DGKB: variants seen among roughly 807,000 people sequenced by gnomAD.
DGKB encodes diacylglycerol kinase beta, also known as 90 kDa diacylglycerol kinase.
In DGKB, 67 loss-of-function variants were observed where a neutral mutation model predicts 114.3. The ratio of observed to expected loss-of-function variants is 0.59; its 90% CI spans 0.48 to 0.72. DGKB has a LOEUF of 0.72. Ranked by LOEUF, DGKB falls within the 30% of genes least tolerant of loss-of-function variation. The pLI, the probability that DGKB is intolerant of heterozygous loss-of-function variation, is 0.00. For missense variants in DGKB, 907 were observed against 975.2 expected, an observed-to-expected ratio of 0.93 and a Z score of 0.93; for synonymous variants, 398 against 323.1, an observed-to-expected ratio of 1.23 and a Z score of -2.49.
At chr7:14,460,398 A>C (rs1452455326) in intron 21 of DGKB, among the ~76,000 whole-genome samples, 4 of 151,958 alleles carry the variant, frequency 2.6e-5, no homozygotes, top group Non-Finnish European at 5.9e-5. Context: ...AAAGGGATGG[A>C]GGAAGATTTA....
intron 21 of DGKB, among the ~76,000 whole-genome samples, chr7:14,441,158 A>G (rs532268245): frequency 9.0e-4 from 137 of 152,038 alleles, no homozygotes; most frequent in Middle Eastern, 6.8e-3. Context: ...ACAGGTGTGC[A>G]CAAACACACC....
intron 7 of DGKB, among the ~76,000 whole-genome samples, chr7:14,699,829 G>A (rs1232630460): frequency 6.6e-6 from 1 of 151,542 alleles, no homozygotes; most frequent in Non-Finnish European, 1.5e-5. Context: ...CCAACTCATT[G>A]TTTAATATTG....
chr7:14,803,116 A>C (rs7789019), intron 2 of DGKB, among the ~76,000 whole-genome samples: 51,574 of 151,034 alleles, frequency 0.34, 11,444 homozygotes, highest in African/African-American at 0.63. Context: ...TTACTCATTT[A>C]CTTATTTTAG....
intron 20 of DGKB, among the ~76,000 whole-genome samples, chr7:14,538,797 C>T (rs541709695): frequency 6.6e-6 from 1 of 152,020 alleles, no homozygotes; most frequent in African/African-American, 2.4e-5. Context: ...GGTTATTCAC[C>T]CTTTAAAAAG....
intron 1 of DGKB, among the ~76,000 whole-genome samples, chr7:14,860,739 T>C (rs1019566568): frequency 6.6e-6 from 1 of 151,906 alleles, no homozygotes. Context: ...AATAAGAACC[T>C]CCTTGGCTTG....
intron 2 of DGKB, among the ~76,000 whole-genome samples, chr7:14,759,446 G>C (rs1053115039): frequency 6.6e-6 from 1 of 152,028 alleles, no homozygotes; most frequent in South Asian, 2.1e-4. Flanking sequence ...GCTATCATTA[G>C]CCTATTTTCT....
At chr7:14,861,213 C>G (rs573009596) in intron 1 of DGKB, among the ~76,000 whole-genome samples, 1 of 151,882 alleles carries the variant, frequency 6.6e-6, no homozygotes, top group East Asian at 1.9e-4. Context: ...ATTTCATATT[C>G]TCTAAACTTG....
Position 14,208,888 on chromosome 7 carries a change from T to A in DGKB, c.2123-30737A>T, listed in dbSNP as rs191436588. Among the ~76,000 whole-genome samples the A allele has an allele frequency of 6.0e-5, 3 of 50,414 alleles. No individual in the cohort carries two copies. The African/African-American group carries it at 1.3e-3, about 22-fold the overall frequency. 33.1% of individuals were successfully genotyped at this position (50,414 alleles called of 152,430 possible). On this transcript the variant is annotated intron_variant, in intron 23 of 25. Transcript: ENST00000402815. ...CATAGCCTCCTGGAAATAGCTAGTT[T>A]TTTTTTTTTTCATTTATCCTTTTTA...
At chr7:14,866,330 T>C (rs1247496022) in intron 1 of DGKB, among the ~76,000 whole-genome samples, 2 of 152,142 alleles carry the variant, frequency 1.3e-5, no homozygotes, top group Non-Finnish European at 2.9e-5. Flanking sequence ...TTTGGACAAA[T>C]GTATAATGAC....
intron 14 of DGKB, among the ~76,000 whole-genome samples, chr7:14,621,737 A>G (rs1585160086): frequency 6.6e-6 from 1 of 152,018 alleles, no homozygotes; most frequent in Non-Finnish European, 1.5e-5. Context: ...TATTATCCCT[A>G]TGTGCCCAAT....
chr7:14,688,394 C>T (rs757072404), intron 9 of DGKB, among the ~76,000 whole-genome samples: 1 of 152,112 alleles, frequency 6.6e-6, no homozygotes, highest in Non-Finnish European at 1.5e-5. Context: ...ACCCACTTCC[C>T]TTTTCCAGGC....
At chr7:14,496,967 TA>T (rs1785391542) in intron 20 of DGKB, among the ~76,000 whole-genome samples, 1 of 151,746 alleles carries the variant, frequency 6.6e-6, no homozygotes, top group African/African-American at 2.4e-5. Flanking sequence ...TGCACATCTT[TA>T]AAATGTGGTA....
chr7:14,872,059 A>T (rs1210379596), intron 1 of DGKB, among the ~76,000 whole-genome samples: 1 of 152,160 alleles, frequency 6.6e-6, no homozygotes, highest in Non-Finnish European at 1.5e-5. Flanking sequence ...AGCAAAGGGC[A>T]AAGTGGTGAT....
chr7:14,907,251 G>A (rs1414815929), upstream of DGKB, among the ~76,000 whole-genome samples: 1 of 152,180 alleles, frequency 6.6e-6, no homozygotes, highest in African/African-American at 2.4e-5. Flanking sequence ...TTACAGGAGA[G>A]GAAACTAACA....
chr7:14,970,348 T>C (rs1044767604), intron 1 of DGKB, among the ~76,000 whole-genome samples: 12 of 151,836 alleles, frequency 7.9e-5, no homozygotes, highest in African/African-American at 2.2e-4. Flanking sequence ...CTAGACAATA[T>C]AGCAAACAAA....
chr7:14,397,252 A>G (rs1822359222), intron 21 of DGKB, among the ~76,000 whole-genome samples: 1 of 152,130 alleles, frequency 6.6e-6, no homozygotes, highest in African/African-American at 2.4e-5. Flanking sequence ...CTAGTACAAG[A>G]CCGGGCAGGG....
chr7:14,246,380 C>T (rs746799496), intron 23 of DGKB, among the ~76,000 whole-genome samples: 2 of 152,066 alleles, frequency 1.3e-5, no homozygotes, highest in African/African-American at 2.4e-5. Flanking sequence ...TGCCTAATAT[C>T]ACACAGCTGG....
chr7:14,938,502 C>T (rs1403721247), intron 1 of DGKB, among the ~76,000 whole-genome samples: 1 of 152,104 alleles, frequency 6.6e-6, no homozygotes, highest in Non-Finnish European at 1.5e-5. Context: ...GACAGACAAA[C>T]ATATTTCTGG....
At chr7:14,354,741 A>G (rs1217248358) in intron 21 of DGKB, among the ~76,000 whole-genome samples, 3 of 152,152 alleles carry the variant, frequency 2.0e-5, no homozygotes, top group Admixed American at 6.6e-5. Context: ...TTGGCTTTCT[A>G]TGGATTTTGA....
Sources: allele counts gnomAD v4.1 joint callset (sites outside exome capture counted in the v4.1 genomes callset), GRCh38; gene constraint gnomAD v4.1.1; transcripts MANE v1.5; gene names NCBI Gene and HGNC (gene_info 2026-07-23, HGNC 2026-07-21).